Variants in TJP2 observed in about 807,000 individuals in gnomAD.
TJP2 encodes Friedreich ataxia region gene X104 (tight junction protein ZO-2).
Under a neutral mutation model 133.1 loss-of-function variants are expected in TJP2, and 91 were observed. The observed-to-expected ratio is 0.68, with a 90% CI of 0.58 to 0.81. The LOEUF (loss-of-function observed/expected upper bound fraction) is 0.81, where lower values mean the gene tolerates loss of function less well. Among genes scored for constraint, TJP2 ranks in the 40% least tolerant of loss-of-function variants. The pLI is 0.00. For missense variants in TJP2, 1,541 were observed against 1,565.6 expected, an observed-to-expected ratio of 0.98 and a Z score of 0.26; for synonymous variants, 592 against 583.4, an observed-to-expected ratio of 1.01 and a Z score of -0.21.
intron 1 of TJP2, among the ~76,000 whole-genome samples, chr9:69,197,204 G>C (rs542167487): frequency 1.3e-5 from 2 of 152,182 alleles, no homozygotes; most frequent in African/African-American, 4.8e-5. Context: ...TGATCCACCT[G>C]CCTCGACCTC....
Position 69,221,364 on chromosome 9 carries a change from C to T in TJP2, c.820C>T (p.Arg274Cys). ...CAGCCCGGAGTACAGGCGCGGGGCC[C>T]GCCACGATGCCCGCTCTCGGGGACC... The part of the protein sequence containing the change: ...AYSPEYRRGA[R>C]HDARSRGPRS... Residue 274 changes from arginine to cysteine, a missense_variant, in exon 5 of 23, where the codon CGC becomes TGC. Physicochemically the swap from Arg to Cys is radical, Grantham distance 180 (BLOSUM62 -3). Transcript: ENST00000377245. The T allele has an allele frequency of 6.3e-7, 1 of 1,584,288 alleles. No individual in the cohort carries two copies. The highest frequency in any genetic ancestry group is 8.6e-7 in the Non-Finnish European group (1 of 1,165,950).
intron 7 of TJP2, 142 bp downstream of exon 7, chr9:69,226,317 G>T: frequency 1.0e-6 from 1 of 970,368 alleles, no homozygotes; most frequent in Middle Eastern, 2.3e-4. Context: ...AAAGGTCACT[G>T]GTTGGTTGTT....
intron 5 of TJP2, among the ~76,000 whole-genome samples, chr9:69,223,330 C>T (rs1019302630): frequency 1.2e-4 from 18 of 151,234 alleles, no homozygotes; most frequent in African/African-American, 2.7e-4. Context: ...TGTTTTGAGA[C>T]GGAGTCTCGC....
At chr9:69,248,429 C>T in intron 19 of TJP2, 3 of 1,425,534 alleles carry the variant, frequency 2.1e-6, no homozygotes, top group Non-Finnish European at 2.8e-6. Flanking sequence ...TTCAGAAGAG[C>T]TTGAGGGGTC....
rs140545330 is a variant in TJP2, at chr9:69,165,566, A to G, written c.-10+13795A>G. On this transcript the variant is annotated intron_variant, in intron 2 of 5. Transcript: ENST00000423935. ...ACTACATTGAATGACTTAGTATAGT[A>G]TATGAAAAGCTCTTGGCACAGAATA... Among the ~76,000 whole-genome samples, 19 of 152,346 alleles carry G rather than the reference A, an allele frequency of 1.2e-4. No individual in the cohort carries two copies. In the East Asian group the frequency reaches 3.3e-3, roughly 26 times the overall value.
At chr9:69,232,837 A>G (rs1170830628) in intron 11 of TJP2, among the ~76,000 whole-genome samples, 1 of 152,250 alleles carries the variant, frequency 6.6e-6, no homozygotes, top group Non-Finnish European at 1.5e-5. Flanking sequence ...TTTTTAAAAT[A>G]TAACTACCAT....
intron 5 of TJP2, among the ~76,000 whole-genome samples, chr9:69,223,926 G>T (rs115011386): frequency 0.017 from 2,557 of 152,256 alleles, 73 homozygotes; most frequent in African/African-American, 0.058. Flanking sequence ...ACTTTGTTTT[G>T]TAATTATAAG....
At chr9:69,163,759 T>A (rs1377381658) in intron 2 of TJP2, among the ~76,000 whole-genome samples, 1 of 152,124 alleles carries the variant, frequency 6.6e-6, no homozygotes, top group Non-Finnish European at 1.5e-5. Flanking sequence ...CAGGCGTGCG[T>A]GAGCTGCCAT....
chr9:69,154,587 C>G (rs918148063), intron 2 of TJP2, among the ~76,000 whole-genome samples: 9 of 150,750 alleles, frequency 6.0e-5, no homozygotes, highest in African/African-American at 2.2e-4. Flanking sequence ...CCCAGGAGTT[C>G]AAGAGCACCT....
Position 69,141,367 on chromosome 9 carries a change from G to T in TJP2, c.-130-10284G>T, listed in dbSNP as rs4567104. Among the ~76,000 whole-genome samples the T allele has an allele frequency of 4.6e-5, 7 of 152,230 alleles. No individual in the cohort carries two copies. In the East Asian group the frequency reaches 1.2e-3, roughly 25 times the overall value. ...CCAGGCCCCTTTCCTCTGCTCCCCC[G>T]AGCAGGACCCAGGAGCCTACTTTCC... On this transcript the variant is annotated intron_variant, in intron 1 of 5. Coordinates refer to the TJP2 transcript ENST00000423935.
intron 1 of TJP2, among the ~76,000 whole-genome samples, chr9:69,122,739 AT>A (rs925604309): frequency 2.6e-4 from 40 of 152,138 alleles, no homozygotes; most frequent in African/African-American, 9.4e-4. Flanking sequence ...AACTATCCTT[AT>A]TGTCTGTGGC....
At chr9:69,156,682 C>A (rs900763491) in intron 2 of TJP2, among the ~76,000 whole-genome samples, 2 of 151,850 alleles carry the variant, frequency 1.3e-5, no homozygotes, top group Admixed American at 6.6e-5. Flanking sequence ...CAGGCGCCCG[C>A]CACTGCGCCC....
rs555367087 is a variant in TJP2, at chr9:69,251,493, G to A, written c.3321+129G>A. 44 of 974,346 alleles carry A rather than the reference G, an allele frequency of 4.5e-5. 1 individual carries two copies. Among genetic ancestry groups the A allele is most frequent in the East Asian group, 2.3e-4 (9 of 38,300 alleles). The allele number at this position is 974,346 out of a possible 1,614,324, so 60.4% of individuals were successfully genotyped here. On this transcript the variant is annotated intron_variant, in intron 21 of 22. Coordinates refer to ENST00000377245, the MANE Select transcript of TJP2 (RefSeq NM_004817.4). Reference sequence around the variant, plus strand: ...ATGCACTGCACCAAAGGCAGGTGCTGTGTATGTCACTTCAGATTGCCAGCT... The same window carrying A: ...ATGCACTGCACCAAAGGCAGGTGCTATGTATGTCACTTCAGATTGCCAGCT...
At chr9:69,177,069 C>G (rs1825149366) in intron 1 of TJP2, among the ~76,000 whole-genome samples, 1 of 152,196 alleles carries the variant, frequency 6.6e-6, no homozygotes, top group African/African-American at 2.4e-5. Context: ...CTTGCCTCAT[C>G]TCTAGAACGA....
chr9:69,254,301 G>T lies in TJP2; in HGVS notation c.3500G>T (p.Arg1167Leu), dbSNP rs370985421. The T allele has an allele frequency of 1.9e-5, 30 of 1,614,206 alleles. No individual in the cohort carries two copies. Among genetic ancestry groups the T allele is most frequent in the African/African-American group, 1.7e-4 (13 of 75,042 alleles). ...AGTGATGCCGAGGAGGAGGAGTACC[G>T]CCAGCAGCTGTCAGAACACTCCAAG... Reference protein sequence around the residue: ...YGSDAEEEEYRQQLSEHSKRG... With the variant: ...YGSDAEEEEYLQQLSEHSKRG... The change falls in exon 23 of 23, where the codon CGC (arginine) becomes CTC (leucine). Residue 1167 changes from arginine (R) to leucine (L), a missense_variant. By Grantham distance (102) the Arg-to-Leu change is moderately radical (BLOSUM62 -2). Coordinates refer to ENST00000377245, the MANE Select transcript of TJP2 (RefSeq NM_004817.4).
In TJP2 at chr9:69,237,909, C is replaced by A; in HGVS notation, c.2211C>A (p.Gly737=). The A allele has an allele frequency of 6.2e-7, 1 of 1,613,894 alleles. No individual in the cohort carries two copies. The highest frequency in any genetic ancestry group is 8.5e-7 in the Non-Finnish European group (1 of 1,179,830). The change falls in exon 15 of 23, where the codon GGC becomes GGA. Residue 737 remains glycine (G), a synonymous_variant. Coordinates refer to ENST00000377245, the MANE Select transcript of TJP2 (RefSeq NM_004817.4). ...AGFKRPVVLF[G]PIADIAMEKL... ...TCAAGAGACCTGTGGTCTTATTCGG[C>A]CCCATAGCTGATATAGCAATGGAAA...
At chr9:69,164,057 T>A (rs965421569) in intron 2 of TJP2, among the ~76,000 whole-genome samples, 1 of 152,170 alleles carries the variant, frequency 6.6e-6, no homozygotes, top group African/African-American at 2.4e-5. Flanking sequence ...CACTGTCTTA[T>A]AGAACCATAA....
At chr9:69,156,574 C>G (rs1823776005) in intron 2 of TJP2, among the ~76,000 whole-genome samples, 1 of 134,058 alleles carries the variant, frequency 7.5e-6, no homozygotes, top group African/African-American at 2.9e-5. Context: ...TTCTGTCGCC[C>G]AGGCGGGAGT....
intron 2 of TJP2, among the ~76,000 whole-genome samples, chr9:69,152,645 G>C (rs913340362): frequency 1.3e-5 from 2 of 151,796 alleles, no homozygotes; most frequent in East Asian, 3.9e-4. Context: ...AGGGAACGTC[G>C]ACATGAAACT....
Sources: gnomAD v4.1 joint callset for allele counts (sites outside exome capture counted in the v4.1 genomes callset) on GRCh38, gnomAD v4.1.1 for gene constraint, MANE v1.5 for transcripts, NCBI Gene and HGNC (gene_info 2026-07-23, HGNC 2026-07-21) for gene names.